The following KCNIP4 variants were observed in gnomAD, a reference collection of about 807,000 sequenced individuals.
KCNIP4 encodes potassium voltage-gated channel interacting protein 4, also known as Kv channel-interacting protein 4.
A neutral mutation model predicts 34.0 loss-of-function variants in KCNIP4; 12 were observed. The observed-to-expected ratio is 0.35, with a 90% CI of 0.23 to 0.57. The LOEUF is 0.57. Ranked by LOEUF, KCNIP4 falls within the 20% of genes least tolerant of loss-of-function variation. KCNIP4 has a pLI of 0.83. For missense variants in KCNIP4, 238 were observed against 311.7 expected, an observed-to-expected ratio of 0.76 and a Z score of 1.78; for synonymous variants, 124 against 102.2, an observed-to-expected ratio of 1.21 and a Z score of -1.29.
intron 1 of KCNIP4, chr4:21,697,338 A>G (rs1044598115): frequency 2.0e-6 from 3 of 1,489,452 alleles, no homozygotes; most frequent in Non-Finnish European, 1.8e-6. Flanking sequence ...AAAAAAAAAA[A>G]AAAGTCATTA....
chr4:21,085,922 A>C (rs1746386592), intron 1 of KCNIP4, among the ~76,000 whole-genome samples: 1 of 152,190 alleles, frequency 6.6e-6, no homozygotes. Flanking sequence ...CTGCATTTCC[A>C]GGTTATACTG....
intron 1 of KCNIP4, among the ~76,000 whole-genome samples, chr4:20,966,667 A>G (rs887156126): frequency 2.0e-5 from 3 of 152,222 alleles, no homozygotes; most frequent in African/African-American, 7.2e-5. Context: ...TAAGCTTATT[A>G]TAACTTACAA....
intron 1 of KCNIP4, among the ~76,000 whole-genome samples, chr4:21,295,726 C>A (rs2109224085): frequency 6.6e-6 from 1 of 152,218 alleles, no homozygotes. Context: ...ATAAATAACA[C>A]CCTGTTTCTG....
At chr4:21,348,330 A>T (rs1015703891) in intron 1 of KCNIP4, among the ~76,000 whole-genome samples, 6 of 152,214 alleles carry the variant, frequency 3.9e-5, no homozygotes, top group African/African-American at 1.4e-4. Context: ...AAAAGCTTAC[A>T]AAATAGACAC....
chr4:20,967,334 C>T (rs1201267317), intron 1 of KCNIP4, among the ~76,000 whole-genome samples: 2 of 152,072 alleles, frequency 1.3e-5, no homozygotes, highest in African/African-American at 4.8e-5. Flanking sequence ...GAATCAATAT[C>T]GTGAAAATGG....
At chr4:21,767,812 TG>T (rs1373178779) in intron 1 of KCNIP4, among the ~76,000 whole-genome samples, 1 of 152,066 alleles carries the variant, frequency 6.6e-6, no homozygotes, top group Non-Finnish European at 1.5e-5. Flanking sequence ...ATCAAATAGT[TG>T]TAAGTGCCAA....
At chr4:21,137,843 A>C (rs11937186) in intron 1 of KCNIP4, among the ~76,000 whole-genome samples, 75,944 of 146,464 alleles carry the variant, frequency 0.52, 20,311 homozygotes, top group African/African-American at 0.63. Flanking sequence ...GTATTTTTCT[A>C]AAATGAAGGC....
chr4:21,708,556 T>C (rs762336177), intron 1 of KCNIP4, among the ~76,000 whole-genome samples: 73 of 152,132 alleles, frequency 4.8e-4, no homozygotes, highest in Non-Finnish European at 6.5e-4. Flanking sequence ...GACAAAATTA[T>C]GGCTCTATAA....
At chr4:21,403,739 C>A (rs1391971003) in intron 1 of KCNIP4, among the ~76,000 whole-genome samples, 1 of 152,196 alleles carries the variant, frequency 6.6e-6, no homozygotes, top group Non-Finnish European at 1.5e-5. Flanking sequence ...GATCAAGGTG[C>A]AACAGATTCA....
intron 1 of KCNIP4, among the ~76,000 whole-genome samples, chr4:21,711,734 G>C (rs568855484): frequency 6.6e-6 from 1 of 152,110 alleles, no homozygotes; most frequent in South Asian, 2.1e-4. Context: ...CAGACAAAAA[G>C]GGAACTAATG....
At chr4:20,738,076 A>G (rs1043916876) in intron 5 of KCNIP4, among the ~76,000 whole-genome samples, 1 of 151,942 alleles carries the variant, frequency 6.6e-6, no homozygotes, top group Non-Finnish European at 1.5e-5. Context: ...GCTACAGTGA[A>G]CTATGATTGC....
chr4:21,410,821 G>A (rs1724433810), intron 1 of KCNIP4, among the ~76,000 whole-genome samples: 1 of 152,168 alleles, frequency 6.6e-6, no homozygotes, highest in South Asian at 2.1e-4. Context: ...TTTATCCTAT[G>A]TTTTCTGACC....
intron 4 of KCNIP4, chr4:20,753,032 G>T (rs1160430886): frequency 6.6e-6 from 1 of 152,142 alleles, no homozygotes; most frequent in African/African-American, 2.4e-5. Context: ...TACTGAGTTT[G>T]TTAAGCTGGG....
chr4:21,796,811 G>A lies in KCNIP4; in HGVS notation c.61+151760C>T, dbSNP rs141024116. On this transcript the variant is annotated intron_variant, in intron 1 of 8. Transcript: ENST00000382152. Reference sequence around the variant, plus strand: ...TCAATGATTTAATTCTGTGGTTTGCGGGAGTCAAGATTACATGTTCCGGAA... The same window carrying A: ...TCAATGATTTAATTCTGTGGTTTGCAGGAGTCAAGATTACATGTTCCGGAA... Among the ~76,000 whole-genome samples, 22 of 152,092 alleles carry A rather than the reference G, an allele frequency of 1.4e-4. No homozygotes were observed. The East Asian group carries it at 2.5e-3, about 17-fold the overall frequency.
chr4:21,381,445 A>G (rs1212753354), intron 1 of KCNIP4, among the ~76,000 whole-genome samples: 1 of 152,104 alleles, frequency 6.6e-6, no homozygotes, highest in African/African-American at 2.4e-5. Flanking sequence ...CTCAACTTTT[A>G]AAAATACTTG....
chr4:21,108,401 G>T (rs1251814640), intron 1 of KCNIP4, among the ~76,000 whole-genome samples: 2 of 151,420 alleles, frequency 1.3e-5, no homozygotes, highest in Admixed American at 1.3e-4. Flanking sequence ...GGCTCCTGAG[G>T]CTTCTGCATT....
intron 1 of KCNIP4, among the ~76,000 whole-genome samples, chr4:21,447,534 C>A (rs181083828): frequency 2.1e-4 from 32 of 152,224 alleles, no homozygotes; most frequent in Admixed American, 2.0e-3. Context: ...ACATTCCAAG[C>A]CCCCTAGTGG....
At chr4:21,423,338 T>C (rs114930611) in intron 1 of KCNIP4, among the ~76,000 whole-genome samples, 56 of 152,342 alleles carry the variant, frequency 3.7e-4, no homozygotes, top group African/African-American at 1.3e-3. Flanking sequence ...TTGAGTTCTA[T>C]TGCTACTAAC....
At chr4:21,254,589 A>T (rs931322896) in intron 1 of KCNIP4, among the ~76,000 whole-genome samples, 3 of 152,146 alleles carry the variant, frequency 2.0e-5, no homozygotes, top group African/African-American at 7.2e-5. Flanking sequence ...CCTACTTTGG[A>T]CTTTGCCTTA....
Sources: allele counts gnomAD v4.1 joint callset (sites outside exome capture counted in the v4.1 genomes callset), GRCh38; gene constraint gnomAD v4.1.1; transcripts MANE v1.5; gene names NCBI Gene and HGNC (gene_info 2026-07-23, HGNC 2026-07-21).